NEGR1: variants seen among roughly 807,000 people sequenced by gnomAD.
NEGR1 encodes IgLON family member 4.
A neutral mutation model predicts 40.9 loss-of-function variants in NEGR1; 10 were observed. The ratio of observed to expected loss-of-function variants is 0.24; its 90% CI spans 0.15 to 0.42. The LOEUF (loss-of-function observed/expected upper bound fraction) is 0.42, where lower values mean the gene tolerates loss of function less well. Among genes scored for constraint, NEGR1 ranks in the 10% least tolerant of loss-of-function variants. The pLI is 1.00. For missense variants in NEGR1, 352 were observed against 438.9 expected, an observed-to-expected ratio of 0.80 and a Z score of 1.77; for synonymous variants, 185 against 166.8, an observed-to-expected ratio of 1.11 and a Z score of -0.84.
chr1:71,782,537 A>C (rs1656754713), intron 2 of NEGR1, among the ~76,000 whole-genome samples: 1 of 152,052 alleles, frequency 6.6e-6, no homozygotes, highest in Admixed American at 6.6e-5. Context: ...GTATCTCTTC[A>C]TAGAATCTAA....
chr1:71,987,469 C>T (rs768736402), intron 1 of NEGR1, among the ~76,000 whole-genome samples: 4 of 152,092 alleles, frequency 2.6e-5, no homozygotes, highest in African/African-American at 7.2e-5. Context: ...GACTAAATAA[C>T]GCCGACCAAA....
intron 1 of NEGR1, among the ~76,000 whole-genome samples, chr1:72,112,435 T>C (rs2100271306): frequency 6.6e-6 from 1 of 151,888 alleles, no homozygotes; most frequent in South Asian, 2.1e-4. Flanking sequence ...CATTTTATTT[T>C]ATAATATCCT....
intron 1 of NEGR1, among the ~76,000 whole-genome samples, chr1:72,048,811 T>A (rs551295169): frequency 1.3e-5 from 2 of 151,504 alleles, no homozygotes; most frequent in South Asian, 4.2e-4. Context: ...AATAATTAAG[T>A]CAATTAACTG....
At chr1:71,532,906 T>C (rs1647397982) in intron 6 of NEGR1, among the ~76,000 whole-genome samples, 1 of 151,588 alleles carries the variant, frequency 6.6e-6, no homozygotes, top group African/African-American at 2.4e-5. Context: ...GTTCAATAAT[T>C]TCTACAAAAA....
chr1:71,530,739 A>T (rs545167468), intron 6 of NEGR1, among the ~76,000 whole-genome samples: 1 of 151,478 alleles, frequency 6.6e-6, no homozygotes, highest in South Asian at 2.1e-4. Context: ...AAATTGACCA[A>T]TTCTGGGACA....
intron 3 of NEGR1, among the ~76,000 whole-genome samples, chr1:71,712,860 ACTCT>A (rs372424530): frequency 1.8e-4 from 26 of 147,866 alleles, no homozygotes; most frequent in African/African-American, 5.2e-4. Flanking sequence ...TTCCATCTTA[ACTCT>A]CTCTCTCTCT....
chr1:72,090,504 T>C (rs1265537727), intron 1 of NEGR1, among the ~76,000 whole-genome samples: 1 of 152,132 alleles, frequency 6.6e-6, no homozygotes, highest in Admixed American at 6.6e-5. Flanking sequence ...ACCCACATAT[T>C]GACAGAAAAG....
intron 1 of NEGR1, among the ~76,000 whole-genome samples, chr1:72,117,087 C>A (rs1458476087): frequency 1.3e-5 from 2 of 151,674 alleles, no homozygotes; most frequent in Non-Finnish European, 3.0e-5. Flanking sequence ...TAAGCTTAAT[C>A]TAGTTCTTCC....
intron 1 of NEGR1, among the ~76,000 whole-genome samples, chr1:72,049,741 T>G (rs759210297): frequency 6.6e-6 from 1 of 151,578 alleles, no homozygotes; most frequent in African/African-American, 2.4e-5. Context: ...ATAAGCACCA[T>G]TTTTTACTCA....
intron 1 of NEGR1, among the ~76,000 whole-genome samples, chr1:72,113,312 AC>A (rs1649450117): frequency 6.6e-6 from 1 of 151,646 alleles, no homozygotes; most frequent in South Asian, 2.1e-4. Context: ...GTGAATGGAG[AC>A]TCAAAATCAG....
intron 6 of NEGR1, among the ~76,000 whole-genome samples, chr1:71,503,896 G>A (rs939701233): frequency 2.6e-5 from 4 of 151,296 alleles, no homozygotes; most frequent in East Asian, 1.9e-4. Context: ...AAGAAGTCTC[G>A]CCAGCTGAAC....
chr1:71,984,344 T>A (rs1486008491), intron 1 of NEGR1, among the ~76,000 whole-genome samples: 1 of 117,612 alleles, frequency 8.5e-6, no homozygotes, highest in Non-Finnish European at 2.0e-5. Flanking sequence ...CCTAGACTGG[T>A]CTCGAACTCC....
chr1:71,532,298 T>C (rs1325259929), intron 6 of NEGR1, among the ~76,000 whole-genome samples: 2 of 151,598 alleles, frequency 1.3e-5, no homozygotes, highest in Non-Finnish European at 3.0e-5. Flanking sequence ...CAATGGCCTA[T>C]CTTTTCAAAG....
At chr1:72,033,789 T>C (rs1321796976) in intron 1 of NEGR1, among the ~76,000 whole-genome samples, 1 of 152,154 alleles carries the variant, frequency 6.6e-6, no homozygotes, top group Non-Finnish European at 1.5e-5. Context: ...ATTTCCTTTG[T>C]ATTTATGAAT....
At chr1:71,849,420 A>G (rs1659530957) in intron 2 of NEGR1, among the ~76,000 whole-genome samples, 1 of 152,148 alleles carries the variant, frequency 6.6e-6, no homozygotes, top group South Asian at 2.1e-4. Flanking sequence ...ATCTCATGAT[A>G]AACTTGAAAG....
intron 3 of NEGR1, among the ~76,000 whole-genome samples, chr1:71,742,174 A>T (rs1655232995): frequency 6.6e-6 from 1 of 152,194 alleles, no homozygotes; most frequent in South Asian, 2.1e-4. Flanking sequence ...GCAAGAAGGC[A>T]TGCATCTACA....
chr1:71,948,695 T>TTA (rs1220030640), intron 1 of NEGR1, among the ~76,000 whole-genome samples: 4 of 152,086 alleles, frequency 2.6e-5, no homozygotes, highest in African/African-American at 9.7e-5. Context: ...ATGCCTCTCT[T>TTA]GCTAGAGGAT....
chr1:72,045,011 G>A (rs956616470), intron 1 of NEGR1, among the ~76,000 whole-genome samples: 2 of 151,682 alleles, frequency 1.3e-5, no homozygotes, highest in African/African-American at 2.4e-5. Flanking sequence ...AAAAGATGGT[G>A]CTCAAGAACT....
intron 1 of NEGR1, among the ~76,000 whole-genome samples, chr1:72,161,335 G>T (rs1651550864): frequency 6.6e-6 from 1 of 152,036 alleles, no homozygotes; most frequent in Admixed American, 6.6e-5. Flanking sequence ...AGTATTTCTG[G>T]TGTTAGAAGT....
Sources: gnomAD v4.1 joint callset for allele counts (sites outside exome capture counted in the v4.1 genomes callset) on GRCh38, gnomAD v4.1.1 for gene constraint, MANE v1.5 for transcripts, NCBI Gene and HGNC (gene_info 2026-07-23, HGNC 2026-07-21) for gene names.